Variants in SLC22A16 observed in about 807,000 individuals in gnomAD.
SLC22A16 encodes the protein solute carrier family 22 member 16.
A neutral mutation model predicts 52.9 loss-of-function variants in SLC22A16; 53 were observed. That is an observed-to-expected ratio of 1.00 (90% CI 0.80 to 1.26). The LOEUF (loss-of-function observed/expected upper bound fraction) is 1.26, where lower values mean the gene tolerates loss of function less well. SLC22A16 is among the 50% of genes most tolerant of loss of function. The pLI is 0.00. For missense variants in SLC22A16, 726 were observed against 704.0 expected (o/e 1.03, Z -0.35); for synonymous variants, 291 against 268.8 (o/e 1.08, Z -0.81).
Position 110,435,963 on chromosome 6 carries a change from T to C in SLC22A16, c.1312-2A>G, listed in dbSNP as rs1774711898. ...CACCACACCCAAAATATAATGTTTC[T>C]GAAAAAAATTTAGCAGAATAGATCA... On this transcript the variant is annotated splice_acceptor_variant, in intron 5 of 7. Coordinates refer to ENST00000368919, the MANE Select transcript of SLC22A16 (RefSeq NM_033125.4). LOFTEE classifies it high-confidence loss of function. 6.2e-7 allele frequency: 1 copy of C among 1,606,658 alleles called. No homozygotes were observed. The highest frequency in any genetic ancestry group is 8.5e-7 in the Non-Finnish European group (1 of 1,174,646).
chr6:110,436,934 C>T (rs573983351), intron 5 of SLC22A16, among the ~76,000 whole-genome samples: 1 of 152,228 alleles, frequency 6.6e-6, no homozygotes, highest in East Asian at 1.9e-4. Flanking sequence ...CCCAGGGTGG[C>T]CTTGCGGCTG....
rs536756226 is a variant in SLC22A16 at position 110,426,986 on chromosome 6, T to C, written c.1522-1901A>G. Among the ~76,000 whole-genome samples the C allele has an allele frequency of 1.0e-3, 154 of 150,708 alleles. 2 individuals are homozygous for C. Among genetic ancestry groups the C allele is most frequent in the Non-Finnish European group, 1.8e-3 (124 of 67,752 alleles). ...CTTCTCAAAGACTGGGTGCAGTGGC[T>C]TACATTTGTAATCCCAAGACTTTGG... On this transcript the variant is annotated intron_variant, in intron 7 of 7. Transcript: ENST00000368919.
At chr6:110,446,431 A>G (rs1025182482) in intron 3 of SLC22A16, among the ~76,000 whole-genome samples, 2 of 152,224 alleles carry the variant, frequency 1.3e-5, no homozygotes, top group Admixed American at 1.3e-4. Context: ...CAATGCTGGT[A>G]TTCAAACTCG....
intron 2 of SLC22A16, among the ~76,000 whole-genome samples, chr6:110,449,584 G>C (rs1223166663): frequency 1.3e-5 from 2 of 152,112 alleles, no homozygotes; most frequent in East Asian, 3.9e-4. Flanking sequence ...ATCCAAACGT[G>C]TTCCCTTCTC....
Position 110,466,581 on chromosome 6 carries a change from T to C in SLC22A16, c.54-9564A>G, listed in dbSNP as rs576100319. Reference sequence around the variant, plus strand: ...AAATTAAAACCACAATGAGATACCATCTCATACCATTCAGAATAGCTATTA... The same window carrying C: ...AAATTAAAACCACAATGAGATACCACCTCATACCATTCAGAATAGCTATTA... On this transcript the variant is annotated intron_variant, in intron 1 of 7. Coordinates refer to ENST00000368919, the MANE Select transcript of SLC22A16 (RefSeq NM_033125.4). Among the ~76,000 whole-genome samples the C allele has an allele frequency of 6.7e-4, 102 of 152,146 alleles. No homozygotes were observed. The Middle Eastern group carries it at 0.01, about 15-fold the overall frequency.
Position 110,435,964 on chromosome 6 carries a change from G to T in SLC22A16, c.1312-3C>A. The T allele has an allele frequency of 6.2e-7, 1 of 1,605,262 alleles. No individual in the cohort carries two copies. Among genetic ancestry groups the T allele is most frequent in the Non-Finnish European group, 8.5e-7 (1 of 1,173,778 alleles). ...ACCACACCCAAAATATAATGTTTCT[G>T]AAAAAAATTTAGCAGAATAGATCAT... On this transcript the variant is annotated splice_polypyrimidine_tract_variant and splice_region_variant and intron_variant, in intron 5 of 7. Coordinates refer to ENST00000368919, the MANE Select transcript of SLC22A16 (RefSeq NM_033125.4).
In SLC22A16 at chr6:110,456,989, C is replaced by T; in HGVS notation, c.82G>A (p.Ala28Thr). The change falls in exon 2 of 8, where the codon GCC becomes ACC. Residue 28 changes from alanine (A) to threonine (T), a missense_variant. Transcript: ENST00000368919. ...ATACCACAAGAGATGTTCTGGAAGG[C>T]ACATATGAAATAGAGGACTCTCTGG... ...RFQRVLYFICAFQNISCGIHY... is the reference protein window; with the variant it reads ...RFQRVLYFICTFQNISCGIHY... 1 of 1,553,182 alleles carries T rather than the reference C, an allele frequency of 6.4e-7. No homozygotes were observed. Among genetic ancestry groups the T allele is most frequent in the Non-Finnish European group, 8.7e-7 (1 of 1,151,644 alleles).
chr6:110,472,321 T>C (rs919188020), intron 1 of SLC22A16, among the ~76,000 whole-genome samples: 1 of 152,088 alleles, frequency 6.6e-6, no homozygotes, highest in African/African-American at 2.4e-5. Context: ...CCAGACCCTC[T>C]TTCTCTCTCA....
chr6:110,427,337 G>C (rs1774305865), intron 7 of SLC22A16, among the ~76,000 whole-genome samples: 1 of 151,952 alleles, frequency 6.6e-6, no homozygotes, highest in Non-Finnish European at 1.5e-5. Flanking sequence ...ACATTGCCTG[G>C]GTACTTGCCA....
At chr6:110,476,475 C>A in intron 1 of SLC22A16, 47 bp downstream of exon 1, 1 of 1,477,578 alleles carries the variant, frequency 6.8e-7, no homozygotes, top group East Asian at 2.7e-5. Flanking sequence ...GAAACAGACC[C>A]CTCGGCGCCG....
Position 110,470,163 on chromosome 6 carries a change from G to C in SLC22A16, c.53+6359C>G, listed in dbSNP as rs147641939. ...CCGCTAGACACCATGGCAATAAGAG[G>C]CATGAAAATCAGGTCCTCTTGAAAC... On this transcript the variant is annotated intron_variant, in intron 1 of 7. Transcript: ENST00000368919. Among the ~76,000 whole-genome samples the C allele has an allele frequency of 3.2e-3, 486 of 152,242 alleles. 2 individuals are homozygous for C. Among genetic ancestry groups the C allele is most frequent in the African/African-American group, 0.011 (469 of 41,530 alleles).
At chr6:110,433,170 G>A (rs1190046583) in intron 6 of SLC22A16, among the ~76,000 whole-genome samples, 10 of 152,130 alleles carry the variant, frequency 6.6e-5, no homozygotes, top group Admixed American at 6.6e-4. Flanking sequence ...TCAGACAACT[G>A]GGCTAATAGA....
chr6:110,454,576 A>ATAT (rs1286739128), intron 2 of SLC22A16, among the ~76,000 whole-genome samples: 1 of 106,258 alleles, frequency 9.4e-6, no homozygotes, highest in Non-Finnish European at 1.8e-5. Context: ...TATATATAAT[A>ATAT]TTTATATATA....
chr6:110,471,484 C>T lies in SLC22A16; in HGVS notation c.53+5038G>A, dbSNP rs993689641. 3.4e-4 allele frequency among the ~76,000 whole-genome samples: 51 copies of T among 152,224 alleles called. 1 individual carries two copies. The highest frequency in any genetic ancestry group is 1.2e-3 in the African/African-American group (50 of 41,458). Reference sequence around the variant, plus strand: ...AAGCCCAACCTGGACACAGTCTAAACGTCTGTTGACAGTAAATGAATGAAC... The same window carrying T: ...AAGCCCAACCTGGACACAGTCTAAATGTCTGTTGACAGTAAATGAATGAAC... On this transcript the variant is annotated intron_variant, in intron 1 of 7. Coordinates refer to ENST00000368919, the MANE Select transcript of SLC22A16 (RefSeq NM_033125.4).
rs370163997 is a variant in SLC22A16, at chr6:110,457,753, A to G, written c.54-736T>C. Among the ~76,000 whole-genome samples the G allele has an allele frequency of 2.5e-3, 386 of 152,282 alleles. 3 individuals are homozygous for G. The highest frequency in any genetic ancestry group is 9.0e-3 in the African/African-American group (374 of 41,564). On this transcript the variant is annotated intron_variant, in intron 1 of 7. Transcript: ENST00000368919. ...TGTGAACCTTCTGTTATGCCCGGGT[A>G]GGGCCACCAGAGGGCTCCTTGATCT...
At chr6:110,471,164 T>C (rs1393685532) in intron 1 of SLC22A16, among the ~76,000 whole-genome samples, 1 of 152,170 alleles carries the variant, frequency 6.6e-6, no homozygotes, top group Non-Finnish European at 1.5e-5. Flanking sequence ...ATTAATATCA[T>C]ATTTTTACCA....
chr6:110,470,424 G>A (rs1411530963), intron 1 of SLC22A16, among the ~76,000 whole-genome samples: 3 of 152,044 alleles, frequency 2.0e-5, no homozygotes, highest in African/African-American at 7.3e-5. Context: ...TCTCTACCTG[G>A]AACAGCTCCA....
intron 7 of SLC22A16, among the ~76,000 whole-genome samples, chr6:110,427,821 C>T (rs1774329311): frequency 6.6e-6 from 1 of 152,186 alleles, no homozygotes. Flanking sequence ...AATATTCCAT[C>T]ATTACTGCTG....
chr6:110,436,444 G>C (rs187432626), intron 5 of SLC22A16, among the ~76,000 whole-genome samples: 4 of 152,222 alleles, frequency 2.6e-5, no homozygotes, highest in Admixed American at 1.3e-4. Flanking sequence ...GGGCAACATA[G>C]CAAGACCCCA....
Sources: gnomAD v4.1 joint callset for allele counts (sites outside exome capture counted in the v4.1 genomes callset) on GRCh38, gnomAD v4.1.1 for gene constraint, MANE v1.5 for transcripts, NCBI Gene and HGNC (gene_info 2026-07-23, HGNC 2026-07-21) for gene names.